PIK3CB: variants seen among roughly 807,000 people sequenced by gnomAD.
PIK3CB encodes the protein phosphatidylinositol-4,5-bisphosphate 3-kinase catalytic subunit beta.
In PIK3CB, 39 loss-of-function variants were observed where a neutral mutation model predicts 136.8. The observed-to-expected ratio is 0.29, with a 90% confidence interval of 0.22 to 0.37. The LOEUF (loss-of-function observed/expected upper bound fraction) is 0.37, where lower values mean the gene tolerates loss of function less well. Ranked by LOEUF, PIK3CB falls within the 10% of genes least tolerant of loss-of-function variation. The pLI is 1.00. For synonymous variants in PIK3CB, 428 were observed against 436.6 expected, an observed-to-expected ratio of 0.98 and a Z score of 0.25; for missense variants, 868 against 1,275.4, an observed-to-expected ratio of 0.68 and a Z score of 4.87.
intron 10 of PIK3CB, among the ~76,000 whole-genome samples, chr3:138,710,249 C>T (rs1037362375): frequency 6.6e-6 from 1 of 151,868 alleles, no homozygotes; most frequent in Non-Finnish European, 1.5e-5. Flanking sequence ...TGGGGAATAA[C>T]ATAATTAGTG....
intron 14 of PIK3CB, among the ~76,000 whole-genome samples, chr3:138,692,127 T>C (rs764040392): frequency 6.6e-6 from 1 of 152,202 alleles, no homozygotes; most frequent in Admixed American, 6.6e-5. Flanking sequence ...CAAACCATTC[T>C]ACCTGTAAAC....
At chr3:138,771,546 A>G (rs1043058127) in intron 2 of PIK3CB, among the ~76,000 whole-genome samples, 2 of 152,172 alleles carry the variant, frequency 1.3e-5, no homozygotes, top group Admixed American at 6.5e-5. Flanking sequence ...AAAGGTGATT[A>G]TTTATTCCGA....
In PIK3CB at chr3:138,738,094, T is replaced by C. The variant is rs994915651; in HGVS notation, c.622-208A>G. On this transcript the variant is annotated intron_variant, in intron 5 of 23. Transcript: ENST00000674063. ...TCTGATAATTTGAAAGTCATCTTAC[T>C]GTATTCATAGTGCACAGCTTCCACA... Among the ~76,000 whole-genome samples the C allele has an allele frequency of 4.6e-5, 7 of 152,206 alleles. No homozygotes were observed. In the East Asian group the frequency reaches 7.7e-4, roughly 17 times the overall value.
At chr3:138,670,480 A>G (rs974503149) in intron 19 of PIK3CB, among the ~76,000 whole-genome samples, 2 of 152,090 alleles carry the variant, frequency 1.3e-5, no homozygotes, top group African/African-American at 4.8e-5. Context: ...GAGTTGGTAA[A>G]CTCTTCCCAG....
intron 1 of PIK3CB, among the ~76,000 whole-genome samples, chr3:138,819,074 C>T (rs957163056): frequency 5.9e-5 from 9 of 152,134 alleles, no homozygotes; most frequent in South Asian, 2.1e-4. Flanking sequence ...CCGGGCCGGG[C>T]GCAGTGGCTC....
At chr3:138,821,247 G>A (rs1694053069) in intron 1 of PIK3CB, among the ~76,000 whole-genome samples, 1 of 149,270 alleles carries the variant, frequency 6.7e-6, no homozygotes, top group East Asian at 2.0e-4. Flanking sequence ...TTGTGCCACT[G>A]CACTCCAGCT....
intron 19 of PIK3CB, among the ~76,000 whole-genome samples, chr3:138,672,853 A>C (rs1437704855): frequency 6.8e-6 from 1 of 146,094 alleles, no homozygotes; most frequent in Non-Finnish European, 1.5e-5. Context: ...TGGAGATTGC[A>C]GTTAGCCAAG....
intron 2 of PIK3CB, among the ~76,000 whole-genome samples, chr3:138,791,931 A>T (rs2046055513): frequency 6.6e-6 from 1 of 152,198 alleles, no homozygotes; most frequent in South Asian, 2.1e-4. Flanking sequence ...TCTTCAAAAT[A>T]ACACTTATCA....
intron 10 of PIK3CB, among the ~76,000 whole-genome samples, chr3:138,708,635 G>A (rs2044430598): frequency 1.3e-5 from 2 of 149,578 alleles, no homozygotes. Flanking sequence ...TAGAGACGGG[G>A]TCTTGCCACA....
Position 138,830,552 on chromosome 3 carries a change from C to CAAACA in PIK3CB, c.-122+4138_-122+4142dup, listed in dbSNP as rs1163139134. The stretch of plus-strand genomic sequence containing the variant: ...TGAACGGCAGAGCACGACTCCGTCT[C>CAAACA]AAACAAAACAAAACAAAACAAAAAA... On this transcript the variant is annotated intron_variant, in intron 1 of 23. Transcript: ENST00000674063. Among the ~76,000 whole-genome samples the CAAACA allele has an allele frequency of 5.3e-5, 8 of 151,838 alleles. No individual in the cohort carries two copies. The South Asian group carries it at 6.2e-4, about 12-fold the overall frequency.
intron 14 of PIK3CB, among the ~76,000 whole-genome samples, chr3:138,693,789 T>C (rs2044060749): frequency 6.6e-6 from 1 of 151,406 alleles, no homozygotes; most frequent in Admixed American, 6.6e-5. Context: ...TATATTTTCA[T>C]AGATATATAT....
In PIK3CB at chr3:138,759,315, G is replaced by A. The variant is rs2108734337; in HGVS notation, c.29C>T (p.Ala10Val). The change falls in exon 3 of 24, where the codon GCT becomes GTT. Residue 10 changes from alanine to valine, a missense_variant. Coordinates refer to ENST00000674063, the MANE Select transcript of PIK3CB (RefSeq NM_006219.3). MCFSFIMPP[A>V]MADILDIWAV... ...CCAGATGTCAAGGATGTCTGCCATA[G>A]CAGGAGGCATTATGAAACTGAAGCA... The A allele has an allele frequency of 6.2e-7, 1 of 1,609,452 alleles. No individual in the cohort carries two copies. The highest frequency in any genetic ancestry group is 8.5e-7 in the Non-Finnish European group (1 of 1,176,518).
intron 2 of PIK3CB, among the ~76,000 whole-genome samples, chr3:138,781,751 G>A (rs970323466): frequency 3.3e-5 from 5 of 152,038 alleles, no homozygotes; most frequent in South Asian, 2.1e-4. Flanking sequence ...CACCGTGCCC[G>A]GCCCAAAAAA....
intron 19 of PIK3CB, among the ~76,000 whole-genome samples, chr3:138,681,041 G>GTTTTTTTTTTT: frequency 7.9e-6 from 1 of 127,328 alleles, no homozygotes; most frequent in Non-Finnish European, 1.6e-5. Flanking sequence ...TTTCATGTTA[G>GTTTTTTTTTTT]TTTTTTTTTT....
At chr3:138,795,319 CT>C (rs568879561) in intron 2 of PIK3CB, among the ~76,000 whole-genome samples, 4,858 of 81,498 alleles carry the variant, frequency 0.06, 289 homozygotes, top group African/African-American at 0.23. Context: ...GAGACTCTGT[CT>C]TTTAAAAAAA....
intron 2 of PIK3CB, among the ~76,000 whole-genome samples, chr3:138,787,118 C>T (rs1480666179): frequency 6.6e-6 from 1 of 152,070 alleles, no homozygotes; most frequent in African/African-American, 2.4e-5. Flanking sequence ...GAGGCAAAGA[C>T]AATGAATTGG....
chr3:138,768,421 G>A (rs1234366749), intron 2 of PIK3CB, among the ~76,000 whole-genome samples: 2 of 152,210 alleles, frequency 1.3e-5, no homozygotes, highest in African/African-American at 4.8e-5. Flanking sequence ...CTGAGCCTGG[G>A]GCTTTTATGG....
At chr3:138,783,834 A>C (rs1445576590) in intron 2 of PIK3CB, among the ~76,000 whole-genome samples, 4 of 152,212 alleles carry the variant, frequency 2.6e-5, no homozygotes, top group Non-Finnish European at 1.5e-5. Context: ...AACTTTTGAA[A>C]GTTACAGTGT....
intron 2 of PIK3CB, among the ~76,000 whole-genome samples, chr3:138,773,076 T>A (rs1463086830): frequency 6.6e-6 from 1 of 151,852 alleles, no homozygotes; most frequent in African/African-American, 2.4e-5. Flanking sequence ...GCCCAGCTAT[T>A]TATTCTTAAT....
Sources: allele counts gnomAD v4.1 joint callset (sites outside exome capture counted in the v4.1 genomes callset), GRCh38; gene constraint gnomAD v4.1.1; transcripts MANE v1.5; gene names NCBI Gene and HGNC (gene_info 2026-07-23, HGNC 2026-07-21).